PAK6: variants seen among roughly 807,000 people sequenced by gnomAD.
The protein encoded by PAK6 is serine/threonine-protein kinase PAK 6.
Under a neutral mutation model 60.8 loss-of-function variants are expected in PAK6, and 33 were observed. The observed-to-expected ratio is 0.54, with a 90% CI of 0.41 to 0.73. PAK6 has a LOEUF of 0.73. Ranked by LOEUF, PAK6 falls within the 30% of genes least tolerant of loss-of-function variation. The pLI is 0.00. For missense variants in PAK6, 845 were observed against 904.1 expected (o/e 0.93, Z 0.84); for synonymous variants, 404 against 378.5 (o/e 1.07, Z -0.78).
chr15:40,270,525 C>T (rs80116044), intron 5 of PAK6, among the ~76,000 whole-genome samples: 1,712 of 152,310 alleles, frequency 0.011, 30 homozygotes, highest in African/African-American at 0.039. Context: ...TAAGGCTCAT[C>T]ACAGGGCAGA....
At chr15:40,244,085 A>G (rs2038431142) in intron 2 of PAK6, among the ~76,000 whole-genome samples, 1 of 152,164 alleles carries the variant, frequency 6.6e-6, no homozygotes, top group African/African-American at 2.4e-5. Flanking sequence ...TAATCCCAGC[A>G]CTTTGGGAGG....
intron 5 of PAK6, among the ~76,000 whole-genome samples, chr15:40,269,643 A>T (rs2039246482): frequency 6.6e-6 from 1 of 152,172 alleles, no homozygotes; most frequent in Non-Finnish European, 1.5e-5. Context: ...GGAGACAGGC[A>T]GTGAAGCCAA....
In PAK6 at chr15:40,269,670, A is replaced by G. The variant is rs1322313801; in HGVS notation, c.859-2554A>G. ...TGAAGCCAACGAAAGGATGCTAGAGACCAGACCTTGCCAGGCTGAAGACCA... is the reference window on the plus strand; with the variant it reads ...TGAAGCCAACGAAAGGATGCTAGAGGCCAGACCTTGCCAGGCTGAAGACCA... On this transcript the variant is annotated intron_variant, in intron 5 of 10. Coordinates refer to ENST00000560346, the Ensembl canonical transcript of PAK6. Among the ~76,000 whole-genome samples, 8 of 152,210 alleles carry G rather than the reference A, an allele frequency of 5.3e-5. No homozygotes were observed. The South Asian group carries it at 1.2e-3, about 24-fold the overall frequency.
At chr15:40,259,387 G>C (rs17669426) in intron 3 of PAK6, 4,623 of 152,354 alleles carry the variant, frequency 0.03, 97 homozygotes, top group Non-Finnish European at 0.044. Context: ...GTTTTGTCCT[G>C]GGTGATTCAC....
At chr15:40,258,214 G>T (rs2038890505) in intron 3 of PAK6, among the ~76,000 whole-genome samples, 1 of 152,238 alleles carries the variant, frequency 6.6e-6, no homozygotes, top group Non-Finnish European at 1.5e-5. Context: ...AAAGAATTCA[G>T]CAGGCTTCTT....
chr15:40,242,126 G>C (rs1281202622), intron 2 of PAK6, among the ~76,000 whole-genome samples: 2 of 152,082 alleles, frequency 1.3e-5, no homozygotes, highest in East Asian at 1.9e-4. Context: ...GTAGGGGCCA[G>C]GGCAGGCTGA....
chr15:40,271,241 C>T (rs1034281216), intron 5 of PAK6, among the ~76,000 whole-genome samples: 22 of 152,236 alleles, frequency 1.4e-4, no homozygotes, highest in African/African-American at 5.3e-4. Flanking sequence ...GGGCACCTTT[C>T]CTGTCAGAAA....
chr15:40,273,748 C>T, intron 9 of PAK6, 72 bp downstream of exon 9: 1 of 1,548,760 alleles, frequency 6.5e-7, no homozygotes, highest in Non-Finnish European at 8.8e-7. Context: ...GCTGTGGCCC[C>T]TCCAGTGAGC....
intron 2 of PAK6, among the ~76,000 whole-genome samples, chr15:40,241,282 G>A (rs532676049): frequency 3.0e-4 from 45 of 152,296 alleles, no homozygotes; most frequent in Admixed American, 2.6e-3. Context: ...CAAGGCTAAC[G>A]TCTTGTGGTC....
At chr15:40,254,154 T>G (rs2038772088) in intron 3 of PAK6, among the ~76,000 whole-genome samples, 1 of 152,158 alleles carries the variant, frequency 6.6e-6, no homozygotes, top group African/African-American at 2.4e-5. Flanking sequence ...CTTAGACAAG[T>G]TGCTTCACTT....
At chr15:40,255,873 TC>T (rs949876099) in intron 3 of PAK6, among the ~76,000 whole-genome samples, 12 of 152,076 alleles carry the variant, frequency 7.9e-5, no homozygotes, top group African/African-American at 2.9e-4. Context: ...AAGGGGAAGG[TC>T]AGACCCCGTC....
chr15:40,244,618 G>A (rs1025783886), intron 2 of PAK6, among the ~76,000 whole-genome samples: 4 of 151,762 alleles, frequency 2.6e-5, no homozygotes, highest in Admixed American at 6.6e-5. Context: ...GGCTAGTCTC[G>A]AACTCCTGAC....
chr15:40,272,600 AG>A lies in PAK6; in HGVS notation c.1236del (p.Ile413LeufsTer25). Reference sequence around the variant, plus strand: ...CGGCTGCTGCTGGACAGCTACGTGAAGATTGGCGAGGGCTCCACCGGCATCG... The same window carrying A: ...CGGCTGCTGCTGGACAGCTACGTGAAATTGGCGAGGGCTCCACCGGCATCG... On this transcript the variant is annotated frameshift_variant, in exon 6 of 11. Coordinates refer to ENST00000560346, the Ensembl canonical transcript of PAK6. LOFTEE classifies it high-confidence loss of function. The A allele has an allele frequency of 6.2e-7, 1 of 1,612,528 alleles. No homozygotes were observed. The highest frequency in any genetic ancestry group is 2.2e-5 in the East Asian group (1 of 44,868).
chr15:40,271,105 A>C (rs541289240), intron 5 of PAK6, among the ~76,000 whole-genome samples: 4 of 152,320 alleles, frequency 2.6e-5, no homozygotes, highest in African/African-American at 9.6e-5. Flanking sequence ...GGTTTGGAGA[A>C]GTTCCTAGAA....
Position 40,273,586 on chromosome 15 carries a change from C to T in PAK6, c.1653C>T (p.Ile551=), listed in dbSNP as rs199802493. 1.4e-5 allele frequency: 22 copies of T among 1,614,070 alleles called. No individual in the cohort carries two copies. The African/African-American group carries it at 2.0e-4, about 15-fold the overall frequency. ...CGGACTTCGGATTCTGTGCTCAGAT[C>T]AGCAAAGACGTCCCTAAGAGGAAGT... The change falls in exon 9 of 11, where the codon ATC becomes ATT. Residue 551 remains isoleucine, a synonymous_variant. Coordinates refer to ENST00000560346, the Ensembl canonical transcript of PAK6.
chr15:40,263,218 C>G (rs185098302), intron 3 of PAK6, among the ~76,000 whole-genome samples: 3 of 152,190 alleles, frequency 2.0e-5, no homozygotes, highest in East Asian at 3.8e-4. Flanking sequence ...GAGAACATGA[C>G]GGCCCTGCAC....
At chr15:40,244,587 G>T (rs1247063754) in intron 2 of PAK6, among the ~76,000 whole-genome samples, 1 of 151,616 alleles carries the variant, frequency 6.6e-6, no homozygotes, top group East Asian at 2.0e-4. Context: ...TAGTAGAGAT[G>T]GGGTTTCACT....
intron 9 of PAK6, 75 bp downstream of exon 9, chr15:40,273,751 C>A: frequency 6.5e-7 from 1 of 1,546,070 alleles, no homozygotes; most frequent in South Asian, 1.2e-5. Flanking sequence ...GTGGCCCCTC[C>A]AGTGAGCTCA....
At chr15:40,253,069 G>C (rs1010045242) in intron 2 of PAK6, 109 bp from the exon 3 acceptor site, 6 of 395,660 alleles carry the variant, frequency 1.5e-5, no homozygotes, top group Non-Finnish European at 3.0e-5. Context: ...AGTTCAGTCG[G>C]GAGGCGGGCG....
Sources: allele counts gnomAD v4.1 joint callset (sites outside exome capture counted in the v4.1 genomes callset), GRCh38; gene constraint gnomAD v4.1.1; transcripts MANE v1.5; gene names NCBI Gene and HGNC (gene_info 2026-07-23, HGNC 2026-07-21).